The following PLCL1 variants were observed in gnomAD, a reference collection of about 807,000 sequenced individuals.
PLCL1 encodes inactive phospholipase C-like protein 1.
A neutral mutation model predicts 84.4 loss-of-function variants in PLCL1; 41 were observed. The observed-to-expected ratio is 0.49, with a 90% CI of 0.38 to 0.63. The LOEUF (loss-of-function observed/expected upper bound fraction) is 0.63, where lower values mean the gene tolerates loss of function less well. Ranked by LOEUF, PLCL1 falls within the 30% of genes least tolerant of loss-of-function variation. The pLI is 0.00. For missense variants in PLCL1, 1,206 were observed against 1,367.8 expected, an observed-to-expected ratio of 0.88 and a Z score of 1.87; for synonymous variants, 490 against 488.3, an observed-to-expected ratio of 1.00 and a Z score of -0.05.
At chr2:198,118,969 A>G (rs1332687434) in intron 5 of PLCL1, among the ~76,000 whole-genome samples, 1 of 152,042 alleles carries the variant, frequency 6.6e-6, no homozygotes, top group Admixed American at 6.6e-5. Flanking sequence ...AAAAGGATTC[A>G]TATACAGTAG....
At chr2:197,945,096 A>G (rs1047656475) in intron 1 of PLCL1, among the ~76,000 whole-genome samples, 1 of 152,234 alleles carries the variant, frequency 6.6e-6, no homozygotes. Context: ...TAAATGTTTA[A>G]AATCTAATTT....
intron 1 of PLCL1, among the ~76,000 whole-genome samples, chr2:197,827,030 T>C (rs189170747): frequency 2.0e-5 from 3 of 152,300 alleles, no homozygotes; most frequent in South Asian, 4.1e-4. Context: ...TAGTTCTCAC[T>C]GCTACACTAG....
At chr2:197,849,871 G>T (rs1687193787) in intron 1 of PLCL1, among the ~76,000 whole-genome samples, 1 of 152,158 alleles carries the variant, frequency 6.6e-6, no homozygotes, top group Admixed American at 6.5e-5. Context: ...ATTAAAGTGA[G>T]AGTAGATTAT....
At chr2:197,931,506 C>T (rs1688931212) in intron 1 of PLCL1, among the ~76,000 whole-genome samples, 1 of 152,078 alleles carries the variant, frequency 6.6e-6, no homozygotes, top group South Asian at 2.1e-4. Flanking sequence ...CCATTCTTTT[C>T]CTTTTTATGG....
At chr2:197,910,955 A>C (rs1239494636) in intron 1 of PLCL1, among the ~76,000 whole-genome samples, 2 of 152,236 alleles carry the variant, frequency 1.3e-5, no homozygotes, top group African/African-American at 4.8e-5. Context: ...ATTAATGGAC[A>C]GGATGTTTAT....
At chr2:197,808,581 TCA>T (rs1396157109) in intron 1 of PLCL1, among the ~76,000 whole-genome samples, 1 of 152,170 alleles carries the variant, frequency 6.6e-6, no homozygotes, top group African/African-American at 2.4e-5. Flanking sequence ...AATGCATTTT[TCA>T]CAGTTTTGCC....
intron 1 of PLCL1, among the ~76,000 whole-genome samples, chr2:197,869,626 C>T (rs1459943763): frequency 1.3e-5 from 2 of 152,066 alleles, no homozygotes; most frequent in Admixed American, 6.6e-5. Context: ...ACGGGTGGTA[C>T]AGTGATTAAA....
chr2:197,975,010 G>A lies in PLCL1; in HGVS notation c.241-108748G>A, dbSNP rs542441840. ...CAAAAAATTAGCCGGGCGCGGTGGCGGGCACCTGTAGTCCCAGCTACTCGG... is the reference window on the plus strand; with the variant it reads ...CAAAAAATTAGCCGGGCGCGGTGGCAGGCACCTGTAGTCCCAGCTACTCGG... On this transcript the variant is annotated intron_variant, in intron 1 of 5. Coordinates refer to ENST00000428675, the MANE Select transcript of PLCL1 (RefSeq NM_006226.4). 7.3e-5 allele frequency among the ~76,000 whole-genome samples: 11 copies of A among 151,638 alleles called. No homozygotes were observed. In the East Asian group the frequency reaches 2.1e-3, roughly 29 times the overall value.
chr2:197,927,114 C>T lies in PLCL1; in HGVS notation c.240+121775C>T, dbSNP rs546301659. ...GGATCTAGGCTCTGAAGTCCCACAA[C>T]ATCTTAACCACTTTCTATTGATTTA... On this transcript the variant is annotated intron_variant, in intron 1 of 5. Transcript: ENST00000428675. Among the ~76,000 whole-genome samples the T allele has an allele frequency of 2.0e-5, 3 of 152,328 alleles. 1 individual carries two copies. The highest frequency in any genetic ancestry group is 2.0e-4 in the Admixed American group (3 of 15,288).
At chr2:198,042,567 A>C (rs1691689888) in intron 1 of PLCL1, among the ~76,000 whole-genome samples, 1 of 152,182 alleles carries the variant, frequency 6.6e-6, no homozygotes, top group Non-Finnish European at 1.5e-5. Context: ...TCAGTGAAGG[A>C]TAGAAGAAGC....
At chr2:197,927,956 T>A (rs1229692746) in intron 1 of PLCL1, among the ~76,000 whole-genome samples, 4 of 152,148 alleles carry the variant, frequency 2.6e-5, no homozygotes, top group African/African-American at 9.7e-5. Context: ...CAAAGAAGGA[T>A]CCATTTTGTG....
At chr2:198,103,803 T>A (rs1693403766) in intron 4 of PLCL1, 24 bp from the exon 5 acceptor site, 1 of 1,254,298 alleles carries the variant, frequency 8.0e-7, no homozygotes, top group South Asian at 1.3e-5. Context: ...ATACTCAGAT[T>A]TCTTATGCAT....
chr2:197,927,546 T>C (rs1386144382), intron 1 of PLCL1, among the ~76,000 whole-genome samples: 1 of 152,228 alleles, frequency 6.6e-6, no homozygotes, highest in Non-Finnish European at 1.5e-5. Context: ...AGTAGCATTG[T>C]AATGAACAAA....
At chr2:197,895,812 C>A (rs1290037057) in intron 1 of PLCL1, among the ~76,000 whole-genome samples, 2 of 151,786 alleles carry the variant, frequency 1.3e-5, no homozygotes, top group Non-Finnish European at 2.9e-5. Context: ...GAGTTAGAAG[C>A]CTTGAAGGAG....
intron 1 of PLCL1, among the ~76,000 whole-genome samples, chr2:197,844,984 T>TTA (rs750554055): frequency 5.3e-4 from 81 of 152,078 alleles, no homozygotes; most frequent in Non-Finnish European, 1.1e-3. Context: ...AACATATTAT[T>TTA]TATATATATT....
At chr2:197,843,288 A>G (rs1037440766) in intron 1 of PLCL1, among the ~76,000 whole-genome samples, 1 of 152,214 alleles carries the variant, frequency 6.6e-6, no homozygotes, top group African/African-American at 2.4e-5. Context: ...AGCGTTTGCC[A>G]CATATTTTCC....
chr2:198,071,826 A>G (rs1340524829), intron 1 of PLCL1, among the ~76,000 whole-genome samples: 2 of 151,886 alleles, frequency 1.3e-5, no homozygotes, highest in East Asian at 3.8e-4. Context: ...CTATACAAAT[A>G]TACTCTTATA....
chr2:198,109,397 A>G (rs1211384144), intron 5 of PLCL1, among the ~76,000 whole-genome samples: 4 of 151,882 alleles, frequency 2.6e-5, no homozygotes, highest in African/African-American at 9.7e-5. Flanking sequence ...ATTAAGTTCC[A>G]ACATGAATTT....
chr2:197,868,998 AT>A (rs1192959941), intron 1 of PLCL1, among the ~76,000 whole-genome samples: 1 of 152,140 alleles, frequency 6.6e-6, no homozygotes, highest in Non-Finnish European at 1.5e-5. Context: ...AAAACTGATA[AT>A]TGTGTTAGAA....
Sources: gnomAD v4.1 joint callset for allele counts (sites outside exome capture counted in the v4.1 genomes callset) on GRCh38, gnomAD v4.1.1 for gene constraint, MANE v1.5 for transcripts, NCBI Gene and HGNC (gene_info 2026-07-23, HGNC 2026-07-21) for gene names.